TALDO1: variants seen among roughly 807,000 people sequenced by gnomAD.
The protein encoded by TALDO1 is transaldolase.
A neutral mutation model predicts 38.1 loss-of-function variants in TALDO1; 29 were observed. That is an observed-to-expected ratio of 0.76 (90% confidence interval 0.57 to 1.04). The LOEUF (loss-of-function observed/expected upper bound fraction) is 1.04, where lower values mean the gene tolerates loss of function less well. TALDO1 is among the 50% of genes least tolerant of loss of function. The probability of loss-of-function intolerance (pLI) is 0.00; values close to 1 mark genes in which losing one functional copy is unlikely to be tolerated. For synonymous variants in TALDO1, 207 were observed against 176.8 expected, an observed-to-expected ratio of 1.17 and a Z score of -1.36; for missense variants, 499 against 438.1, an observed-to-expected ratio of 1.14 and a Z score of -1.24.
chr11:763,575 G>C, intron 5 of TALDO1, 56 bp downstream of exon 5: 1 of 1,607,984 alleles, frequency 6.2e-7, no homozygotes. Context: ...AGCACCTCAG[G>C]CAGGAAGAGC....
Position 764,818 on chromosome 11 carries a change from AATGTT to A in TALDO1, c.988_992del (p.Met330GlnfsTer11). On this transcript the variant is annotated frameshift_variant, in exon 8 of 8. Transcript: ENST00000319006. LOFTEE classifies it high-confidence loss of function. The stretch of plus-strand genomic sequence containing the variant: ...CGTGCTCTGTTTGTTTCTAGGAACG[AATGTT>A]CAATGCAGAGAATGGAAAGTAGCGC... The A allele has an allele frequency of 6.2e-7, 1 of 1,614,174 alleles. No homozygotes were observed. Among genetic ancestry groups the A allele is most frequent in the Non-Finnish European group, 8.5e-7 (1 of 1,180,040 alleles).
chr11:763,996 C>T lies in TALDO1; in HGVS notation c.835+52C>T, dbSNP rs1863006104. ...TCCTGCTCGGGCAAGGCCAGCACTG[C>T]CGTGCCACGCTGCCCTGTGGGTGAT... is the stretch of plus-strand genomic sequence containing the variant. On this transcript the variant is annotated intron_variant, in intron 6 of 7. Transcript: ENST00000319006. 4.4e-6 allele frequency: 7 copies of T among 1,584,576 alleles called. No homozygotes were observed. The East Asian group carries it at 1.3e-4, about 30-fold the overall frequency.
At position 753,441 on chromosome 11, in the gene TALDO1, G is replaced by C. The variant is rs375081345; in HGVS notation, c.98-2438G>C. ...AGCTACTCGGGAGGCTGAGGCAGGA[G>C]AATGGCGTGAACCCGGGAGGCAGAG... is the stretch of plus-strand genomic sequence containing the variant. On this transcript the variant is annotated intron_variant, in intron 1 of 7. Transcript: ENST00000319006. Among the ~76,000 whole-genome samples, 10 of 152,258 alleles carry C rather than the reference G, an allele frequency of 6.6e-5. No homozygotes were observed. The East Asian group carries it at 1.9e-3, about 29-fold the overall frequency.
In TALDO1 at chr11:764,399, C is replaced by T. The variant is rs1388815765; in HGVS notation, c.947C>T (p.Ala316Val). 2 of 1,612,362 alleles carry T rather than the reference C, an allele frequency of 1.2e-6. No individual in the cohort carries two copies. The highest frequency in any genetic ancestry group is 2.2e-5 in the South Asian group (2 of 91,068). The change falls in exon 7 of 8, where the codon GCC becomes GTC. Residue 316 changes from alanine to valine, a missense_variant. Coordinates refer to ENST00000319006, the MANE Select transcript of TALDO1 (RefSeq NM_006755.2). ...EKLSDGIRKF[A>V]ADAVKLERML... Reference sequence around the variant, plus strand: ...CTCTCTGACGGGATCCGCAAGTTTGCCGCTGATGCAGTGAAGCTGGAGCGG... The same window carrying T: ...CTCTCTGACGGGATCCGCAAGTTTGTCGCTGATGCAGTGAAGCTGGAGCGG...
chr11:754,398 C>T (rs1369426210), intron 1 of TALDO1, among the ~76,000 whole-genome samples: 14 of 152,282 alleles, frequency 9.2e-5, no homozygotes, highest in Admixed American at 7.2e-4. Flanking sequence ...TTGTCCACTC[C>T]GACTAAAAGG....
intron 1 of TALDO1, among the ~76,000 whole-genome samples, chr11:755,379 C>T (rs910207309): frequency 6.6e-6 from 1 of 151,980 alleles, no homozygotes; most frequent in Non-Finnish European, 1.5e-5. Context: ...CTCCTGACCT[C>T]GTGATCCACC....
At chr11:760,506 A>G in intron 4 of TALDO1, 2 of 507,578 alleles carry the variant, frequency 3.9e-6, no homozygotes, top group South Asian at 2.0e-5. Flanking sequence ...TCAGCAGAGA[A>G]GAAAAGCCAC....
At chr11:764,694 G>GC in intron 7 of TALDO1, 119 bp from the exon 8 acceptor site, 2 of 1,522,926 alleles carry the variant, frequency 1.3e-6, no homozygotes, top group Non-Finnish European at 1.8e-6. Context: ...TGTGGCCGTG[G>GC]CCCCCACACA....
At chr11:762,484 C>G (rs1010690771) in intron 4 of TALDO1, among the ~76,000 whole-genome samples, 1 of 152,102 alleles carries the variant, frequency 6.6e-6, no homozygotes, top group Non-Finnish European at 1.5e-5. Flanking sequence ...CAAGTTTTGT[C>G]CTGGACATGT....
chr11:764,797 C>G lies in TALDO1; in HGVS notation c.982-16C>G, dbSNP rs750127335. 5 of 1,614,002 alleles carry G rather than the reference C, an allele frequency of 3.1e-6. No individual in the cohort carries two copies. In the African/African-American group the frequency reaches 5.3e-5, roughly 17 times the overall value. ...GTAGGGTGGGGAGACACAGCTCGTGCTCTGTTTGTTTCTAGGAACGAATGT... is the reference window on the plus strand; with the variant it reads ...GTAGGGTGGGGAGACACAGCTCGTGGTCTGTTTGTTTCTAGGAACGAATGT... On this transcript the variant is annotated splice_polypyrimidine_tract_variant and intron_variant, in intron 7 of 7. Transcript: ENST00000319006.
At chr11:764,181 G>A in intron 6 of TALDO1, 107 bp from the exon 7 acceptor site, 3 of 1,591,500 alleles carry the variant, frequency 1.9e-6, no homozygotes, top group Non-Finnish European at 2.6e-6. Context: ...GCCAAGGCCT[G>A]GCCCTGGTGG....
At chr11:762,025 G>T (rs984007532) in intron 4 of TALDO1, among the ~76,000 whole-genome samples, 1 of 152,026 alleles carries the variant, frequency 6.6e-6, no homozygotes, top group Non-Finnish European at 1.5e-5. Context: ...GAGTGCAATG[G>T]TGCTATCTCA....
At chr11:763,080 G>C (rs1254712654) in intron 4 of TALDO1, among the ~76,000 whole-genome samples, 3 of 150,778 alleles carry the variant, frequency 2.0e-5, no homozygotes, top group African/African-American at 5.0e-5. Flanking sequence ...GAGTCTTACC[G>C]ATTTGTTCTT....
intron 3 of TALDO1, among the ~76,000 whole-genome samples, chr11:759,847 T>C (rs1433091543): frequency 3.3e-5 from 5 of 152,230 alleles, no homozygotes; most frequent in African/African-American, 4.8e-5. Flanking sequence ...CCCAAAGTGT[T>C]GGGATTACAG....
intron 1 of TALDO1, among the ~76,000 whole-genome samples, chr11:754,677 G>C (rs1862802655): frequency 6.6e-6 from 1 of 151,260 alleles, no homozygotes. Flanking sequence ...TCACCATTTT[G>C]GCCAGGCTGG....
rs1188060259 is a variant in TALDO1, at chr11:765,010, T to C, written c.*165T>C. On this transcript the variant is annotated 3_prime_UTR_variant, in exon 8 of 8. Transcript: ENST00000319006. ...CCTAATACATTAAAGCAGTCACTTT[T>C]CCTGTGCTGTTTCATTCACTGTCTC... is the stretch of plus-strand genomic sequence containing the variant. 9 of 882,900 alleles carry C rather than the reference T, an allele frequency of 1.0e-5. No homozygotes were observed. The highest frequency in any genetic ancestry group is 1.4e-5 in the Non-Finnish European group (8 of 551,758). 54.7% of individuals were successfully genotyped at this position (882,900 alleles called of 1,614,324 possible).
chr11:759,468 GC>G (rs1862895390), intron 3 of TALDO1, among the ~76,000 whole-genome samples: 1 of 151,836 alleles, frequency 6.6e-6, no homozygotes, highest in African/African-American at 2.4e-5. Flanking sequence ...GACCATTTTG[GC>G]CAGGCTGGTC....
chr11:751,341 C>A (rs1468852128), intron 1 of TALDO1, among the ~76,000 whole-genome samples: 6 of 152,154 alleles, frequency 3.9e-5, no homozygotes, highest in Non-Finnish European at 1.5e-5. Flanking sequence ...GCAGTTCAAG[C>A]AGACTGGGTG....
At chr11:758,919 C>T (rs1319225142) in intron 2 of TALDO1, 31 bp from the exon 3 acceptor site, 5 of 1,584,382 alleles carry the variant, frequency 3.2e-6, no homozygotes, top group Non-Finnish European at 4.3e-6. Context: ...TCAGAAGCTT[C>T]TAACCTGCTT....
Sources: allele counts gnomAD v4.1 joint callset (sites outside exome capture counted in the v4.1 genomes callset), GRCh38; gene constraint gnomAD v4.1.1; transcripts MANE v1.5; gene names NCBI Gene and HGNC (gene_info 2026-07-23, HGNC 2026-07-21).